Variants in TMEM117 observed in about 807,000 individuals in gnomAD.
The protein encoded by TMEM117 is transmembrane protein 117.
TMEM117 carries 27 observed loss-of-function variants against 52.4 expected under a neutral mutation model. The ratio of observed to expected loss-of-function variants is 0.51; its 90% CI spans 0.38 to 0.71. TMEM117 has a LOEUF of 0.71. Ranked by LOEUF, TMEM117 falls within the 30% of genes least tolerant of loss-of-function variation. The pLI, the probability that TMEM117 is intolerant of heterozygous loss-of-function variation, is 0.00. For synonymous variants in TMEM117, 215 were observed against 206.3 expected, an observed-to-expected ratio of 1.04 and a Z score of -0.36; for missense variants, 556 against 630.5, an observed-to-expected ratio of 0.88 and a Z score of 1.26.
intron 4 of TMEM117, among the ~76,000 whole-genome samples, chr12:44,160,282 T>C (rs1047246084): frequency 6.6e-6 from 1 of 151,656 alleles, no homozygotes; most frequent in African/African-American, 2.4e-5. Context: ...TACACATATG[T>C]ATATATATAT....
At chr12:43,982,945 A>G (rs186134829) in intron 3 of TMEM117, among the ~76,000 whole-genome samples, 1 of 152,284 alleles carries the variant, frequency 6.6e-6, no homozygotes, top group Non-Finnish European at 1.5e-5. Flanking sequence ...AGATTAACAG[A>G]TCTCATTTTT....
At chr12:44,190,722 T>G (rs1469703789) in intron 4 of TMEM117, among the ~76,000 whole-genome samples, 3 of 151,800 alleles carry the variant, frequency 2.0e-5, no homozygotes, top group Non-Finnish European at 4.4e-5. Flanking sequence ...CACAACCATA[T>G]CTGAACTGAC....
At chr12:43,940,845 A>G (rs946677016) in intron 2 of TMEM117, among the ~76,000 whole-genome samples, 2 of 152,262 alleles carry the variant, frequency 1.3e-5, no homozygotes, top group East Asian at 3.9e-4. Context: ...CACCTGGCCC[A>G]TAATATATAC....
chr12:43,879,660 C>CT (rs1565731987), intron 2 of TMEM117, among the ~76,000 whole-genome samples: 1 of 152,232 alleles, frequency 6.6e-6, no homozygotes, highest in Non-Finnish European at 1.5e-5. Context: ...AGAGCCCCAA[C>CT]TCCTTTCTAC....
intron 6 of TMEM117, among the ~76,000 whole-genome samples, chr12:44,343,201 C>T (rs1951440510): frequency 2.0e-5 from 3 of 152,040 alleles, no homozygotes. Context: ...GATCTGCCCA[C>T]CTTGGCCTCC....
intron 6 of TMEM117, among the ~76,000 whole-genome samples, chr12:44,314,314 G>T (rs183852284): frequency 6.6e-6 from 1 of 152,076 alleles, no homozygotes; most frequent in East Asian, 1.9e-4. Context: ...AGGGAGGTTG[G>T]ATTTTATCAA....
At chr12:44,152,586 ATAT>A (rs1489807577) in intron 4 of TMEM117, among the ~76,000 whole-genome samples, 10 of 122,278 alleles carry the variant, frequency 8.2e-5, no homozygotes, top group African/African-American at 3.3e-4. Context: ...TATATATATA[ATAT>A]TTATATCATA....
chr12:44,156,288 T>C (rs1474997965), intron 4 of TMEM117, among the ~76,000 whole-genome samples: 1 of 152,084 alleles, frequency 6.6e-6, no homozygotes, highest in African/African-American at 2.4e-5. Flanking sequence ...TTAATATGCA[T>C]TGTGGAAATC....
intron 2 of TMEM117, among the ~76,000 whole-genome samples, chr12:43,914,165 G>A (rs903896769): frequency 3.3e-5 from 5 of 152,106 alleles, no homozygotes; most frequent in Admixed American, 1.3e-4. Context: ...GGAGAGTCGG[G>A]GGACATGCAG....
chr12:44,293,521 T>C (rs1950731107), intron 5 of TMEM117, among the ~76,000 whole-genome samples: 1 of 152,120 alleles, frequency 6.6e-6, no homozygotes, highest in Non-Finnish European at 1.5e-5. Context: ...TGTCTTTCTT[T>C]GTATTTTGAT....
chr12:44,268,841 C>A (rs1451420268), intron 5 of TMEM117, among the ~76,000 whole-genome samples: 2 of 152,076 alleles, frequency 1.3e-5, no homozygotes, highest in Non-Finnish European at 2.9e-5. Flanking sequence ...AAGAAATAGA[C>A]AAGTATAGGG....
chr12:43,815,735 C>T, the TMEM117 span, among the ~76,000 whole-genome samples: 1 of 152,224 alleles, frequency 6.6e-6, no homozygotes, highest in African/African-American at 2.4e-5. Flanking sequence ...AACTGCTGGT[C>T]ATGCAGCTGT....
At chr12:43,948,696 ACTT>A (rs1945173149) in intron 3 of TMEM117, among the ~76,000 whole-genome samples, 1 of 152,094 alleles carries the variant, frequency 6.6e-6, no homozygotes, top group Non-Finnish European at 1.5e-5. Flanking sequence ...TTTATGAGTA[ACTT>A]CTTTTTTTTT....
At chr12:44,279,035 T>C (rs1950547832) in intron 5 of TMEM117, among the ~76,000 whole-genome samples, 1 of 152,072 alleles carries the variant, frequency 6.6e-6, no homozygotes, top group Admixed American at 6.6e-5. Flanking sequence ...TTCCAAATTA[T>C]GTTATAAAGT....
At chr12:43,964,116 G>A (rs1335811831) in intron 3 of TMEM117, among the ~76,000 whole-genome samples, 3 of 152,026 alleles carry the variant, frequency 2.0e-5, no homozygotes, top group South Asian at 2.1e-4. Context: ...ACTGCTTGTC[G>A]CTGTCTCTCT....
chr12:44,043,481 CTT>C (rs1036271272), intron 3 of TMEM117, among the ~76,000 whole-genome samples: 2 of 152,058 alleles, frequency 1.3e-5, no homozygotes, highest in Admixed American at 1.3e-4. Context: ...GCTGATGAAA[CTT>C]TTTTTGCCAT....
At chr12:44,044,768 G>A (rs1448736802) in intron 3 of TMEM117, among the ~76,000 whole-genome samples, 2 of 152,234 alleles carry the variant, frequency 1.3e-5, no homozygotes, top group East Asian at 1.9e-4. Context: ...CGTCCCTGAA[G>A]GTCAACAGTG....
chr12:44,260,827 G>C (rs1950312121), intron 5 of TMEM117, among the ~76,000 whole-genome samples: 2 of 152,154 alleles, frequency 1.3e-5, no homozygotes, highest in African/African-American at 2.4e-5. Flanking sequence ...TGAGAGGAGA[G>C]GCAGATGGGC....
chr12:43,845,018 T>G, intron 2 of TMEM117, 90 bp downstream of exon 2: 1 of 1,460,300 alleles, frequency 6.8e-7, no homozygotes, highest in Non-Finnish European at 9.2e-7. Context: ...AGTGCCAATG[T>G]AGGAGGCATT....
Sources: allele counts gnomAD v4.1 joint callset (sites outside exome capture counted in the v4.1 genomes callset), GRCh38; gene constraint gnomAD v4.1.1; transcripts MANE v1.5; gene names NCBI Gene and HGNC (gene_info 2026-07-23, HGNC 2026-07-21).